PNKD: variants seen among roughly 807,000 people sequenced by gnomAD.
PNKD encodes probable thioesterase PNKD.
Under a neutral mutation model 45.3 loss-of-function variants are expected in PNKD, and 36 were observed. That is an observed-to-expected ratio of 0.80 (90% CI 0.61 to 1.05). PNKD has a LOEUF of 1.05. Among genes scored for constraint, PNKD ranks in the 50% least tolerant of loss-of-function variants. The pLI is 0.00. For synonymous variants in PNKD, 197 were observed against 210.1 expected, an observed-to-expected ratio of 0.94 and a Z score of 0.54; for missense variants, 511 against 506.6, an observed-to-expected ratio of 1.01 and a Z score of -0.08.
chr2:218,290,932 G>C (rs888942230), intron 2 of PNKD, among the ~76,000 whole-genome samples: 1 of 152,190 alleles, frequency 6.6e-6, no homozygotes, highest in Non-Finnish European at 1.5e-5. Flanking sequence ...AATTGTATGA[G>C]CTTCCACTCT....
At chr2:218,282,054 A>T in intron 2 of PNKD, 1 of 1,596,262 alleles carries the variant, frequency 6.3e-7, no homozygotes, top group Non-Finnish European at 8.5e-7. Flanking sequence ...GGCAGGACAG[A>T]TGGCTGCCCA....
At chr2:218,275,595 G>C (rs373791088) in intron 2 of PNKD, 1 of 1,613,512 alleles carries the variant, frequency 6.2e-7, no homozygotes, top group Admixed American at 1.7e-5. Flanking sequence ...GGTTCCCCAG[G>C]ACCAGCTGTG....
At chr2:218,303,775 C>T (rs551337423) in intron 2 of PNKD, among the ~76,000 whole-genome samples, 1 of 151,940 alleles carries the variant, frequency 6.6e-6, no homozygotes, top group African/African-American at 2.4e-5. Context: ...GGGGTTTCAC[C>T]ATCTTGGCCA....
intron 2 of PNKD, among the ~76,000 whole-genome samples, chr2:218,322,136 G>C (rs1220433334): frequency 6.6e-6 from 1 of 151,034 alleles, no homozygotes; most frequent in African/African-American, 2.4e-5. Context: ...TGGTCAAGCT[G>C]GTCTCCAACT....
chr2:218,292,627 G>GGC (rs1014207812), intron 2 of PNKD: 2 of 151,890 alleles, frequency 1.3e-5, no homozygotes, highest in South Asian at 2.1e-4. Context: ...GTCTGTCCCG[G>GGC]GCGCGCGCGC....
chr2:218,297,226 C>T (rs535902287), intron 2 of PNKD, among the ~76,000 whole-genome samples: 1 of 152,148 alleles, frequency 6.6e-6, no homozygotes, highest in Non-Finnish European at 1.5e-5. Context: ...TATGGGGGCT[C>T]CTCCCCCTTA....
chr2:218,298,314 T>A (rs1367081688), intron 2 of PNKD, among the ~76,000 whole-genome samples: 3 of 152,116 alleles, frequency 2.0e-5, no homozygotes, highest in Non-Finnish European at 4.4e-5. Context: ...TCCAGACCTG[T>A]GAATCAGAAT....
chr2:218,290,267 T>A (rs915971888), intron 2 of PNKD, among the ~76,000 whole-genome samples: 1 of 152,224 alleles, frequency 6.6e-6, no homozygotes, highest in African/African-American at 2.4e-5. Flanking sequence ...CCTGTTCAGC[T>A]TTGTTTAACC....
chr2:218,270,827 A>G (rs964976482), intron 1 of PNKD: 34 of 399,250 alleles, frequency 8.5e-5, no homozygotes, highest in African/African-American at 7.0e-4. Flanking sequence ...GGGAGCTCCT[A>G]GGAAGCCTGT....
chr2:218,320,110 G>A (rs950067898), intron 2 of PNKD, among the ~76,000 whole-genome samples: 1 of 152,220 alleles, frequency 6.6e-6, no homozygotes. Flanking sequence ...TGTGGGATAC[G>A]GTTAGGAGTC....
intron 2 of PNKD, among the ~76,000 whole-genome samples, chr2:218,298,283 G>A (rs557319089): frequency 6.6e-6 from 1 of 152,072 alleles, no homozygotes; most frequent in Admixed American, 6.6e-5. Context: ...AAACATGCAC[G>A]TTCCCTTGGG....
chr2:218,277,161 G>A, intron 2 of PNKD: 1 of 1,460,040 alleles, frequency 6.8e-7, no homozygotes, highest in Non-Finnish European at 9.6e-7. Flanking sequence ...CAGTCAGACT[G>A]GCCCTGCCAG....
rs3731861 is a variant in PNKD, at chr2:218,326,533, T to C, written c.237-13250T>C. 0.33 allele frequency among the ~76,000 whole-genome samples: 49,426 copies of C among 152,064 alleles called. 8,313 individuals carry two copies. The highest frequency in any genetic ancestry group is 0.5 in the Middle Eastern group (146 of 294). Reference sequence around the variant, plus strand: ...TGCATCTATAAAGTGGGGTTGGGGATGCCTACCTCATAGGGCTCCTGTGAA... The same window carrying C: ...TGCATCTATAAAGTGGGGTTGGGGACGCCTACCTCATAGGGCTCCTGTGAA... On this transcript the variant is annotated intron_variant, in intron 2 of 9. Transcript: ENST00000273077. The surrounding 1 kb of genome is among the most constrained non-coding windows in gnomAD (Gnocchi z 4.1).
intron 2 of PNKD, among the ~76,000 whole-genome samples, chr2:218,339,122 A>G (rs925764545): frequency 6.6e-6 from 1 of 151,814 alleles, no homozygotes; most frequent in Admixed American, 6.6e-5. Context: ...GATGCATGCT[A>G]AAGTCTGACC....
intron 2 of PNKD, among the ~76,000 whole-genome samples, chr2:218,338,252 G>A (rs1694559226): frequency 6.6e-6 from 1 of 151,894 alleles, no homozygotes; most frequent in Admixed American, 6.6e-5. Context: ...CCTAAGGTCA[G>A]GAGTTTGAGA....
chr2:218,320,487 G>C (rs1276889493), intron 2 of PNKD, among the ~76,000 whole-genome samples: 3 of 152,180 alleles, frequency 2.0e-5, no homozygotes, highest in Non-Finnish European at 4.4e-5. Context: ...AGGATTGCTT[G>C]AACCCTGGAG....
At chr2:218,279,480 C>A (rs1478979052) in intron 2 of PNKD, 16 of 759,954 alleles carry the variant, frequency 2.1e-5, no homozygotes, top group Non-Finnish European at 2.8e-5. Context: ...CCAGAGGCGA[C>A]CCCAGTGAGA....
At chr2:218,272,528 T>C (rs1212506449) in intron 2 of PNKD, 2 of 1,608,440 alleles carry the variant, frequency 1.2e-6, no homozygotes, top group Admixed American at 3.3e-5. Context: ...TGGCTCAGGC[T>C]TGGCCCCTCC....
intron 2 of PNKD, among the ~76,000 whole-genome samples, chr2:218,301,260 GA>G (rs1280173484): frequency 6.6e-6 from 1 of 152,176 alleles, no homozygotes. Flanking sequence ...AAACAGCACA[GA>G]TCTATAGCGC....
Sources: allele counts gnomAD v4.1 joint callset (sites outside exome capture counted in the v4.1 genomes callset), GRCh38; gene constraint gnomAD v4.1.1; non-coding constraint Gnocchi (gnomAD v3.1); transcripts MANE v1.5; gene names NCBI Gene and HGNC (gene_info 2026-07-23, HGNC 2026-07-21).